The following EFCAB14 variants were observed in gnomAD, a reference collection of about 807,000 sequenced individuals.
EFCAB14 encodes EF-hand calcium binding domain 14.
In EFCAB14, 43 loss-of-function variants were observed where a neutral mutation model predicts 56.5. The observed-to-expected ratio is 0.76, with a 90% CI of 0.60 to 0.98. The LOEUF (loss-of-function observed/expected upper bound fraction) is 0.98. EFCAB14 is among the 50% of genes least tolerant of loss of function. EFCAB14 has a pLI of 0.00. For missense variants in EFCAB14, 538 were observed against 580.3 expected, an observed-to-expected ratio of 0.93 and a Z score of 0.75; for synonymous variants, 235 against 212.9, an observed-to-expected ratio of 1.10 and a Z score of -0.90.
chr1:46,693,011 C>T (rs1167532677), intron 4 of EFCAB14, among the ~76,000 whole-genome samples: 1 of 151,994 alleles, frequency 6.6e-6, no homozygotes, highest in Non-Finnish European at 1.5e-5. Flanking sequence ...TTGTTAGGAG[C>T]AAAGGACACT....
At chr1:46,682,447 A>C (rs1174916101) in intron 10 of EFCAB14, among the ~76,000 whole-genome samples, 1 of 152,222 alleles carries the variant, frequency 6.6e-6, no homozygotes, top group Non-Finnish European at 1.5e-5. Flanking sequence ...TTTTCTGTGA[A>C]TCATATCCTT....
At chr1:46,679,093 T>C (rs796763900) in intron 10 of EFCAB14, among the ~76,000 whole-genome samples, 16 of 152,284 alleles carry the variant, frequency 1.1e-4, no homozygotes, top group African/African-American at 1.7e-4. Context: ...TAATGAGTTA[T>C]GTGATAGGAG....
intron 10 of EFCAB14, among the ~76,000 whole-genome samples, chr1:46,678,990 G>C (rs987320218): frequency 3.9e-5 from 6 of 152,214 alleles, no homozygotes; most frequent in African/African-American, 1.2e-4. Context: ...GCAGGAGAAT[G>C]AATGGTCTCA....
Position 46,708,392 on chromosome 1 carries a change from G to T in EFCAB14, c.335-341C>A, listed in dbSNP as rs11805532. 6.5e-3 allele frequency among the ~76,000 whole-genome samples: 994 copies of T among 152,250 alleles called. 12 individuals carry two copies. The highest frequency in any genetic ancestry group is 0.023 in the African/African-American group (952 of 41,550). On this transcript the variant is annotated intron_variant, in intron 2 of 10. Transcript: ENST00000371933. The stretch of plus-strand genomic sequence containing the variant: ...TCAGTTTCCTCATCTGTAATACAGC[G>T]ATAAAATATACTTTCACAGGACTGT...
At position 46,686,836 on chromosome 1, in the gene EFCAB14, G is replaced by C. The variant is rs375767892; in HGVS notation, c.1022C>G (p.Ser341Cys). 5 of 1,613,684 alleles carry C rather than the reference G, an allele frequency of 3.1e-6. No individual in the cohort carries two copies. Among genetic ancestry groups the C allele is most frequent in the Non-Finnish European group, 4.2e-6 (5 of 1,179,842 alleles). ...GDRSATLKRQ[S>C]LDQVTNRTDT... is the part of the protein sequence containing the mutation. ...TGTTCTGTTGGTGACTTGATCCAAA[G>C]ACTGTCTTTTCAGAGTGGCAGATCT... Residue 341 changes from serine (S) to cysteine (C), a missense_variant, in exon 8 of 11, where the codon TCT becomes TGT. Coordinates refer to ENST00000371933, the MANE Select transcript of EFCAB14 (RefSeq NM_014774.3).
chr1:46,688,928 G>A (rs1054725669), intron 6 of EFCAB14, among the ~76,000 whole-genome samples: 2 of 152,184 alleles, frequency 1.3e-5, no homozygotes, highest in African/African-American at 2.4e-5. Flanking sequence ...GAACAATACC[G>A]ATTACTGAAT....
At chr1:46,702,872 C>T (rs897176885) in intron 3 of EFCAB14, among the ~76,000 whole-genome samples, 1 of 152,188 alleles carries the variant, frequency 6.6e-6, no homozygotes, top group South Asian at 2.1e-4. Context: ...TGATACGGCT[C>T]TTGCTGACTT....
In EFCAB14 at chr1:46,719,064, GGCGGCC is replaced by G; in HGVS notation, c.-983_-978del. On this transcript the variant is annotated 5_prime_UTR_variant, in exon 1 of 11. Transcript: ENST00000371933. This position sits in a 1 kb window ranked among gnomAD's most constrained non-coding sequence, Gnocchi z 4.0. ...CGTTGGTGGCGGCGGCTGCGGCGGC[GGCGGCC>G]GCGAGCTCCAGCCCCGGGCCATCGC... 6.3e-6 allele frequency: 1 copy of G among 158,354 alleles called. No individual in the cohort carries two copies. The highest frequency in any genetic ancestry group is 3.1e-3 in the Middle Eastern group (1 of 324). The allele number at this position is 158,354 out of a possible 1,614,324, so 9.8% of individuals were successfully genotyped here. A position where few individuals can be genotyped will look rare whatever the true frequency, so the allele number is the denominator to read the frequency against.
Position 46,691,383 on chromosome 1 carries a change from C to G in EFCAB14, c.690+444G>C, listed in dbSNP as rs569016232. ...CTGGAGCTGGAACATGCTAGACAGCCTGCCTTTCATCCACGAGCACATGTT... is the reference window on the plus strand; with the variant it reads ...CTGGAGCTGGAACATGCTAGACAGCGTGCCTTTCATCCACGAGCACATGTT... On this transcript the variant is annotated intron_variant, in intron 5 of 10. Transcript: ENST00000371933. 2.6e-5 allele frequency among the ~76,000 whole-genome samples: 4 copies of G among 152,298 alleles called. No individual in the cohort carries two copies. In the East Asian group the frequency reaches 5.8e-4, roughly 22 times the overall value.
At chr1:46,714,716 T>C (rs1677361199) in intron 2 of EFCAB14, among the ~76,000 whole-genome samples, 1 of 151,174 alleles carries the variant, frequency 6.6e-6, no homozygotes, top group African/African-American at 2.4e-5. Flanking sequence ...ACGGGAAGAC[T>C]GCTTGAGCCC....
intron 2 of EFCAB14, among the ~76,000 whole-genome samples, 180 bp from the exon 3 acceptor site, chr1:46,708,231 T>C (rs1677261030): frequency 6.6e-6 from 1 of 152,226 alleles, no homozygotes; most frequent in Non-Finnish European, 1.5e-5. Context: ...ACTGGGGCTA[T>C]TTCACTGCTG....
chr1:46,704,620 C>T (rs1677209662), intron 3 of EFCAB14, among the ~76,000 whole-genome samples: 1 of 152,122 alleles, frequency 6.6e-6, no homozygotes, highest in Non-Finnish European at 1.5e-5. Context: ...CTTGGACTTC[C>T]CAGCCCCTGT....
At chr1:46,684,666 G>A in intron 8 of EFCAB14, 64 bp from the exon 9 acceptor site, 1 of 1,327,400 alleles carries the variant, frequency 7.5e-7, no homozygotes, top group Non-Finnish European at 1.1e-6. Flanking sequence ...AGTGTCCACT[G>A]TATTCCCAGA....
rs1347501625 is a variant in EFCAB14 at position 46,677,503 on chromosome 1, T to C, written c.*958A>G. On this transcript the variant is annotated 3_prime_UTR_variant, in exon 11 of 11. Coordinates refer to ENST00000371933, the MANE Select transcript of EFCAB14 (RefSeq NM_014774.3). ...GCTCTGGGTGGTCAGTGTGAGATAA[T>C]GGCTGGGGGAATTTAGCCCTGCCAT... The C allele has an allele frequency of 6.6e-6, 1 of 152,098 alleles. No individual in the cohort carries two copies. Among genetic ancestry groups the C allele is most frequent in the African/African-American group, 2.4e-5 (1 of 41,416 alleles). 9.4% of individuals were successfully genotyped at this position (152,098 alleles called of 1,614,324 possible). A position where few individuals can be genotyped will look rare whatever the true frequency, so the allele number is the denominator to read the frequency against.
intron 2 of EFCAB14, among the ~76,000 whole-genome samples, chr1:46,709,791 C>G (rs985972459): frequency 1.3e-5 from 2 of 152,080 alleles, no homozygotes; most frequent in African/African-American, 4.8e-5. Context: ...AGTTTGAGAC[C>G]AGCCTGGTCA....
At chr1:46,716,192 T>G (rs1046299735) in intron 2 of EFCAB14, 103 bp downstream of exon 2, 12 of 1,276,408 alleles carry the variant, frequency 9.4e-6, no homozygotes, top group Non-Finnish European at 1.0e-5. Context: ...GATGTTGCAG[T>G]GAGCCGAGAT....
In EFCAB14 at chr1:46,689,623, T is replaced by G. The variant is rs1472035142; in HGVS notation, c.759A>C (p.Glu253Asp). 15 of 1,613,926 alleles carry G rather than the reference T, an allele frequency of 9.3e-6. No homozygotes were observed. The highest frequency in any genetic ancestry group is 1.3e-5 in the African/African-American group (1 of 75,040). The change falls in exon 6 of 11, where the codon GAA becomes GAC. Residue 253 changes from glutamate to aspartate, a missense_variant. Transcript: ENST00000371933. ...TCTCACTGTGGGTTTTATTGTCAAG[T>G]TCTGATGTGGCTGAAGGTGACGGAA... ...QIIPSPSATSELDNKTHSENL... is the reference protein window; with the variant it reads ...QIIPSPSATSDLDNKTHSENL...
chr1:46,716,579 A>G, intron 1 of EFCAB14, 136 bp from the exon 2 acceptor site: 1 of 955,918 alleles, frequency 1.0e-6, no homozygotes, highest in Middle Eastern at 2.3e-4. Context: ...GAGGCAGGGT[A>G]AAGCACTTAA....
intron 1 of EFCAB14, 135 bp downstream of exon 1, chr1:46,717,768 G>A (rs1225412448): frequency 1.1e-5 from 10 of 878,498 alleles, no homozygotes; most frequent in South Asian, 1.8e-5. Flanking sequence ...CCCTAAAACC[G>A]TTTTTCCCTC....
Sources: gnomAD v4.1 joint callset for allele counts (sites outside exome capture counted in the v4.1 genomes callset) on GRCh38, gnomAD v4.1.1 for gene constraint, Gnocchi (gnomAD v3.1) non-coding constraint, MANE v1.5 for transcripts, NCBI Gene and HGNC (gene_info 2026-07-23, HGNC 2026-07-21) for gene names.